Variants in EXOC4 observed in about 807,000 individuals in gnomAD.
EXOC4 encodes the protein exocyst complex component 4, also known as SEC8-like 1.
Under a neutral mutation model 107.2 loss-of-function variants are expected in EXOC4, and 71 were observed. That is an observed-to-expected ratio of 0.66 (90% CI 0.55 to 0.81). The LOEUF is 0.81. Among genes scored for constraint, EXOC4 ranks in the 30% least tolerant of loss-of-function variants. The pLI is 0.00. For missense variants in EXOC4, 1,108 were observed against 1,189.6 expected (o/e 0.93, Z 1.01); for synonymous variants, 456 against 441.2 (o/e 1.03, Z -0.42).
intron 10 of EXOC4, among the ~76,000 whole-genome samples, chr7:133,723,621 C>T (rs536426707): frequency 6.6e-6 from 1 of 152,202 alleles, no homozygotes; most frequent in East Asian, 1.9e-4. Context: ...TCCCAAGTAG[C>T]TGGGATTACA....
intron 10 of EXOC4, among the ~76,000 whole-genome samples, chr7:133,718,361 T>A (rs1382521246): frequency 6.6e-6 from 1 of 152,174 alleles, no homozygotes; most frequent in African/African-American, 2.4e-5. Flanking sequence ...AGAGAAGTTG[T>A]CTGAGAATGT....
chr7:133,689,441 T>C (rs1794373386), intron 10 of EXOC4, among the ~76,000 whole-genome samples: 1 of 152,076 alleles, frequency 6.6e-6, no homozygotes, highest in Admixed American at 6.5e-5. Flanking sequence ...CAAGGAGAAG[T>C]AGAGATTTAT....
intron 13 of EXOC4, among the ~76,000 whole-genome samples, chr7:133,935,947 A>T (rs1800289861): frequency 6.6e-6 from 1 of 152,178 alleles, no homozygotes; most frequent in African/African-American, 2.4e-5. Context: ...CAGTTCTTTT[A>T]CCTCCAGATA....
At position 133,763,924 on chromosome 7, in the gene EXOC4, C is replaced by G. The variant is rs114052076; in HGVS notation, c.1515-53401C>G. ...TACCAACTAGGAGACCTCTCAAAAG[C>G]ATATGAAAGTGTCTTAGTCTTGTTT... is the stretch of plus-strand genomic sequence containing the variant. On this transcript the variant is annotated intron_variant, in intron 10 of 17. Transcript: ENST00000253861. Among the ~76,000 whole-genome samples the G allele has an allele frequency of 2.8e-3, 429 of 152,088 alleles. 4 individuals carry two copies. Among genetic ancestry groups the G allele is most frequent in the African/African-American group, 0.01 (420 of 41,514 alleles).
intron 2 of EXOC4, among the ~76,000 whole-genome samples, chr7:133,282,042 G>A (rs1029415894): frequency 6.6e-6 from 1 of 152,190 alleles, no homozygotes; most frequent in Non-Finnish European, 1.5e-5. Context: ...TAAAAGTTAT[G>A]GTCTTCCCCA....
At chr7:133,674,760 A>T (rs1353885934) in intron 10 of EXOC4, among the ~76,000 whole-genome samples, 1 of 152,224 alleles carries the variant, frequency 6.6e-6, no homozygotes, top group Non-Finnish European at 1.5e-5. Flanking sequence ...CATAAAATGT[A>T]CTATAATAAA....
intron 5 of EXOC4, among the ~76,000 whole-genome samples, chr7:133,355,383 G>A (rs1009811036): frequency 6.6e-6 from 1 of 152,116 alleles, no homozygotes; most frequent in Admixed American, 6.5e-5. Context: ...AAATGAGGCA[G>A]TTACTTTTAA....
At chr7:134,059,333 G>A (rs1012558435) in intron 17 of EXOC4, among the ~76,000 whole-genome samples, 1 of 152,138 alleles carries the variant, frequency 6.6e-6, no homozygotes. Flanking sequence ...CCAGGGATGA[G>A]AAAACTCCCT....
intron 9 of EXOC4, among the ~76,000 whole-genome samples, chr7:133,568,339 T>C (rs950978191): frequency 3.9e-5 from 6 of 152,118 alleles, no homozygotes; most frequent in African/African-American, 1.2e-4. Flanking sequence ...ATTTTTGCCA[T>C]GCAGAAATAT....
At chr7:133,585,663 G>A (rs928030538) in intron 9 of EXOC4, among the ~76,000 whole-genome samples, 1 of 152,016 alleles carries the variant, frequency 6.6e-6, no homozygotes, top group Non-Finnish European at 1.5e-5. Flanking sequence ...TGGAGCTTAT[G>A]TTCTAGAAGA....
At chr7:133,423,757 C>T (rs888449072) in intron 7 of EXOC4, among the ~76,000 whole-genome samples, 5 of 152,018 alleles carry the variant, frequency 3.3e-5, no homozygotes, top group Admixed American at 6.5e-5. Context: ...GGGAGAGGCG[C>T]GGGTAGGGGC....
At chr7:133,361,521 C>T (rs1796136144) in intron 6 of EXOC4, among the ~76,000 whole-genome samples, 1 of 152,178 alleles carries the variant, frequency 6.6e-6, no homozygotes, top group Non-Finnish European at 1.5e-5. Context: ...ACCTTGTGAT[C>T]TGCCTGCCTC....
chr7:133,468,691 C>T (rs1394188492), intron 7 of EXOC4, among the ~76,000 whole-genome samples: 2 of 152,170 alleles, frequency 1.3e-5, no homozygotes, highest in Non-Finnish European at 2.9e-5. Context: ...CGGGAGGCGC[C>T]TTCTGGGAGA....
At chr7:134,035,983 G>A (rs919997378) in intron 17 of EXOC4, among the ~76,000 whole-genome samples, 5 of 152,178 alleles carry the variant, frequency 3.3e-5, no homozygotes, top group Non-Finnish European at 5.9e-5. Context: ...GAAATGGAGA[G>A]CTGCTTTCTT....
intron 6 of EXOC4, among the ~76,000 whole-genome samples, chr7:133,365,472 A>G (rs1016677357): frequency 6.6e-6 from 1 of 152,224 alleles, no homozygotes; most frequent in African/African-American, 2.4e-5. Context: ...TCTCTCCAGA[A>G]CTCAGAAACC....
At chr7:133,972,966 G>A (rs1801277095) in intron 14 of EXOC4, among the ~76,000 whole-genome samples, 2 of 152,240 alleles carry the variant, frequency 1.3e-5, no homozygotes, top group Admixed American at 6.5e-5. Flanking sequence ...CACATAGACA[G>A]GGATTCATAC....
At chr7:133,750,390 A>T (rs1460154685) in intron 10 of EXOC4, among the ~76,000 whole-genome samples, 2 of 152,166 alleles carry the variant, frequency 1.3e-5, no homozygotes, top group Admixed American at 6.5e-5. Context: ...TTTTGGTTTT[A>T]TATGGTGTTC....
chr7:133,339,402 T>G (rs1795607041), intron 5 of EXOC4, among the ~76,000 whole-genome samples: 1 of 152,228 alleles, frequency 6.6e-6, no homozygotes, highest in South Asian at 2.1e-4. Context: ...GCTGTTTTGG[T>G]GACTATGGCT....
At chr7:133,865,400 G>T (rs1385528305) in intron 11 of EXOC4, among the ~76,000 whole-genome samples, 1 of 152,156 alleles carries the variant, frequency 6.6e-6, no homozygotes, top group African/African-American at 2.4e-5. Context: ...TTAAATCATG[G>T]TAATATTCTG....
Sources: gnomAD v4.1 joint callset for allele counts (sites outside exome capture counted in the v4.1 genomes callset) on GRCh38, gnomAD v4.1.1 for gene constraint, MANE v1.5 for transcripts, NCBI Gene and HGNC (gene_info 2026-07-23, HGNC 2026-07-21) for gene names.